Variants in MYMX observed in about 807,000 individuals in gnomAD.
The protein encoded by MYMX is myomixer, myoblast fusion factor.
At chr6:44,207,870 G>A in the MYMX span, among the ~76,000 whole-genome samples, 1 of 152,108 alleles carries the variant, frequency 6.6e-6, no homozygotes, top group Non-Finnish European at 1.5e-5. Flanking sequence ...TTCCTCTGGG[G>A]CTTTAAATGA....
chr6:44,198,332 A>T, the MYMX span, among the ~76,000 whole-genome samples: 3 of 149,948 alleles, frequency 2.0e-5, no homozygotes, highest in Non-Finnish European at 4.4e-5. Context: ...CGCCCGGCTA[A>T]TTTTTTATAT....
chr6:44,196,915 G>T, the MYMX span, among the ~76,000 whole-genome samples: 1 of 151,962 alleles, frequency 6.6e-6, no homozygotes, highest in Non-Finnish European at 1.5e-5. Context: ...CTGAGATGGC[G>T]CCATTGCATT....
chr6:44,208,582 C>T, the MYMX span, among the ~76,000 whole-genome samples: 1 of 152,174 alleles, frequency 6.6e-6, no homozygotes, highest in Non-Finnish European at 1.5e-5. Context: ...CTTAAACTCC[C>T]CAAGCTCCTC....
At chr6:44,211,170 T>C in the MYMX span, among the ~76,000 whole-genome samples, 1 of 152,234 alleles carries the variant, frequency 6.6e-6, no homozygotes, top group Non-Finnish European at 1.5e-5. Flanking sequence ...GATGTATTTA[T>C]AGATTTGTCA....
At chr6:44,210,449 GTTTTA>G in the MYMX span, among the ~76,000 whole-genome samples, 1 of 151,898 alleles carries the variant, frequency 6.6e-6, no homozygotes, top group Non-Finnish European at 1.5e-5. Flanking sequence ...CTGGCTGATG[GTTTTA>G]TTTTTATTTT....
chr6:44,198,038 C>T, the MYMX span, among the ~76,000 whole-genome samples: 20 of 151,842 alleles, frequency 1.3e-4, no homozygotes, highest in African/African-American at 4.8e-4. Flanking sequence ...ACTATTGAAG[C>T]TAGGTGGCTC....
At chr6:44,211,788 T>TTGTGTGTGTGTGTGTGTGTGTG in the MYMX span, among the ~76,000 whole-genome samples, 1,932 of 126,356 alleles carry the variant, frequency 0.015, 58 homozygotes, top group African/African-American at 0.027. Context: ...CAGCTAGGTT[T>TTGTGTGTGTGTGTGTGTGTGTG]TGTGTGTGTG....
chr6:44,194,247 G>A, the MYMX span, among the ~76,000 whole-genome samples: 1 of 152,130 alleles, frequency 6.6e-6, no homozygotes. Context: ...ACCATTCCAG[G>A]TCCTCATCAC....
the MYMX span, among the ~76,000 whole-genome samples, chr6:44,208,182 G>A: frequency 6.6e-6 from 1 of 151,818 alleles, no homozygotes; most frequent in Non-Finnish European, 1.5e-5. Context: ...AGGAGGTCAA[G>A]GGTGCAGTGA....
At chr6:44,202,947 G>C in the MYMX span, among the ~76,000 whole-genome samples, 7 of 152,190 alleles carry the variant, frequency 4.6e-5, no homozygotes, top group African/African-American at 1.7e-4. Flanking sequence ...CGGTGGGGTA[G>C]GAGTATCTGG....
the MYMX span, among the ~76,000 whole-genome samples, chr6:44,205,764 G>A: frequency 2.2e-4 from 33 of 151,770 alleles, no homozygotes; most frequent in African/African-American, 7.3e-4. Context: ...AGCTGAGATC[G>A]CTCCACTTCA....
the MYMX span, among the ~76,000 whole-genome samples, chr6:44,207,691 C>A: frequency 6.6e-6 from 1 of 152,082 alleles, no homozygotes; most frequent in Non-Finnish European, 1.5e-5. Flanking sequence ...CACCACCACG[C>A]CCAGCTAATT....
chr6:44,195,897 A>AT, the MYMX span, among the ~76,000 whole-genome samples: 2 of 151,734 alleles, frequency 1.3e-5, no homozygotes, highest in Non-Finnish European at 1.5e-5. Flanking sequence ...GTTGTTTCTA[A>AT]TTTTTTTTGT....
At chr6:44,211,542 G>T in the MYMX span, among the ~76,000 whole-genome samples, 2 of 151,974 alleles carry the variant, frequency 1.3e-5, no homozygotes, top group Non-Finnish European at 2.9e-5. Flanking sequence ...GTGTTCTACT[G>T]CACAGCAAGG....
chr6:44,207,421 G>A, the MYMX span, among the ~76,000 whole-genome samples: 1 of 152,322 alleles, frequency 6.6e-6, no homozygotes, highest in Non-Finnish European at 1.5e-5. Flanking sequence ...TTACAGGCAT[G>A]AGCCACCGTG....
the MYMX span, among the ~76,000 whole-genome samples, chr6:44,203,147 C>T: frequency 6.6e-6 from 1 of 152,184 alleles, no homozygotes; most frequent in African/African-American, 2.4e-5. Flanking sequence ...CCATCAGGGC[C>T]TGCCGTTCCT....
upstream of MYMX, among the ~76,000 whole-genome samples, chr6:44,215,861 C>T (rs1162120972): frequency 6.6e-6 from 1 of 152,100 alleles, no homozygotes; most frequent in Non-Finnish European, 1.5e-5. Flanking sequence ...TGCCACTGCA[C>T]TCCAGCCTGG....
At chr6:44,204,140 C>T in the MYMX span, among the ~76,000 whole-genome samples, 23 of 152,192 alleles carry the variant, frequency 1.5e-4, no homozygotes, top group South Asian at 1.2e-3. Context: ...TGAGTCACTG[C>T]GCCTGGTGGA....
chr6:44,199,682 G>A, the MYMX span, among the ~76,000 whole-genome samples: 1 of 133,300 alleles, frequency 7.5e-6, no homozygotes, highest in Non-Finnish European at 1.6e-5. Context: ...TAATTTGGGG[G>A]AGAACTAATT....
Sources: gnomAD v4.1 joint callset for allele counts (sites outside exome capture counted in the v4.1 genomes callset) on GRCh38, gnomAD v4.1.1 for gene constraint, MANE v1.5 for transcripts, NCBI Gene and HGNC (gene_info 2026-07-23, HGNC 2026-07-21) for gene names.